XDH: variants seen among roughly 807,000 people sequenced by gnomAD.
XDH encodes the protein xanthine dehydrogenase, also known as xanthine dehydrogenase/oxidase.
Under a neutral mutation model 156.1 loss-of-function variants are expected in XDH, and 138 were observed. The observed-to-expected ratio is 0.88, with a 90% CI of 0.77 to 1.02. The LOEUF is 1.02. Among genes scored for constraint, XDH ranks in the 50% least tolerant of loss-of-function variants. The pLI, the probability that XDH is intolerant of heterozygous loss-of-function variation, is 0.00. For synonymous variants in XDH, 669 were observed against 625.7 expected, an observed-to-expected ratio of 1.07 and a Z score of -1.03; for missense variants, 1,849 against 1,684.9, an observed-to-expected ratio of 1.10 and a Z score of -1.71.
chr2:31,395,172 T>C (rs930060797), intron 6 of XDH, among the ~76,000 whole-genome samples: 2 of 151,834 alleles, frequency 1.3e-5, no homozygotes, highest in African/African-American at 4.8e-5. Flanking sequence ...ATTGGTAAGA[T>C]ATGAAGGAGA....
At chr2:31,341,599 G>C (rs1243395595) in intron 32 of XDH, among the ~76,000 whole-genome samples, 2 of 152,084 alleles carry the variant, frequency 1.3e-5, no homozygotes, top group Non-Finnish European at 2.9e-5. Flanking sequence ...TGAGTTTGTA[G>C]CAGCCGGGTA....
chr2:31,375,489 G>A lies in XDH; in HGVS notation c.1493C>T (p.Pro498Leu), dbSNP rs759792914. Reference sequence around the variant, plus strand: ...GTCCACCATGCCACCAGGGGCATCGGGAGGCAGATGCAGCTCCTCTGCCAG... The same window carrying A: ...GTCCACCATGCCACCAGGGGCATCGAGAGGCAGATGCAGCTCCTCTGCCAG... The part of the protein sequence containing the change: ...AGLAEELHLP[P>L]DAPGGMVDFR... The change falls in exon 15 of 36, where the codon CCC becomes CTC. Residue 498 changes from proline to leucine, a missense_variant. Pro to Leu is a moderately conservative substitution (Grantham distance 98). Coordinates refer to ENST00000379416, the MANE Select transcript of XDH (RefSeq NM_000379.4). 6.6e-5 allele frequency: 107 copies of A among 1,614,028 alleles called. No homozygotes were observed. The highest frequency in any genetic ancestry group is 1.3e-4 in the Admixed American group (8 of 60,012).
intron 17 of XDH, among the ~76,000 whole-genome samples, chr2:31,371,884 G>A (rs1187672376): frequency 3.9e-5 from 6 of 152,128 alleles, no homozygotes; most frequent in African/African-American, 7.2e-5. Context: ...TGTGTCTAAC[G>A]CCCACCAGGA....
intron 6 of XDH, among the ~76,000 whole-genome samples, chr2:31,397,399 G>C (rs577675289): frequency 6.6e-5 from 10 of 152,194 alleles, no homozygotes; most frequent in Non-Finnish European, 1.5e-4. Flanking sequence ...AAGCTCAAAG[G>C]CACTCTCAGG....
intron 25 of XDH, 66 bp from the exon 26 acceptor site, chr2:31,349,897 T>G: frequency 6.2e-7 from 1 of 1,612,182 alleles, no homozygotes; most frequent in South Asian, 1.1e-5. Flanking sequence ...GGGCACAACC[T>G]AAAGTTAAGC....
intron 2 of XDH, 108 bp downstream of exon 2, chr2:31,405,799 T>C (rs562595752): frequency 9.3e-6 from 12 of 1,296,858 alleles, no homozygotes; most frequent in Middle Eastern, 3.7e-4. Flanking sequence ...TGCTCTTTCC[T>C]CCACACCTCA....
intron 30 of XDH, among the ~76,000 whole-genome samples, chr2:31,346,123 G>C (rs996547752): frequency 3.3e-5 from 5 of 152,204 alleles, no homozygotes; most frequent in African/African-American, 1.2e-4. Context: ...CAATACTGGG[G>C]AAGGATGCAG....
chr2:31,337,140 G>A (rs961957643), intron 35 of XDH, among the ~76,000 whole-genome samples: 6 of 152,082 alleles, frequency 3.9e-5, no homozygotes, highest in African/African-American at 1.2e-4. Context: ...TCCCAAGGTT[G>A]CAAAGTCCTC....
chr2:31,413,234 G>C (rs1254449870), intron 1 of XDH, among the ~76,000 whole-genome samples: 1 of 152,220 alleles, frequency 6.6e-6, no homozygotes, highest in Non-Finnish European at 1.5e-5. Context: ...ATGGCTTTGT[G>C]TAAGTAGCTC....
In XDH at chr2:31,375,795, C is replaced by T. The variant is rs532350326; in HGVS notation, c.1428-241G>A. 2.0e-5 allele frequency among the ~76,000 whole-genome samples: 3 copies of T among 152,342 alleles called. 1 individual carries two copies. The South Asian group carries it at 6.2e-4, about 32-fold the overall frequency. On this transcript the variant is annotated intron_variant, in intron 14 of 35. Transcript: ENST00000379416. ...TAATAACAGTTAAAATCTATCAAGT[C>T]CTCACAATGTGCCAGGCAACATCTT...
rs761592093 is a variant in XDH, at chr2:31,383,062, A to C, written c.977T>G (p.Val326Gly). 5.0e-5 allele frequency: 80 copies of C among 1,613,684 alleles called. No homozygotes were observed. The Admixed American group carries it at 5.3e-4, about 11-fold the overall frequency. ...VAKLPAQKTE[V>G]FRGVLEQLRW... ...CAGCTGCTCCAGGACCCCTCTGAAC[A>C]CCTCTGTCTTTTGGGCAGGAAGCTT... Residue 326 changes from valine to glycine, a missense_variant, in exon 11 of 36, where the codon GTG becomes GGG. Transcript: ENST00000379416.
At chr2:31,388,628 A>T (rs901755439) in intron 6 of XDH, among the ~76,000 whole-genome samples, 1 of 152,204 alleles carries the variant, frequency 6.6e-6, no homozygotes, top group Admixed American at 6.5e-5. Flanking sequence ...TTCCTCAGGA[A>T]GCGTCTATGA....
At chr2:31,350,299 G>C in intron 24 of XDH, 76 bp from the exon 25 acceptor site, 1 of 1,514,604 alleles carries the variant, frequency 6.6e-7, no homozygotes, top group Non-Finnish European at 9.2e-7. Context: ...AACTTTGAGG[G>C]CTGTATCCAT....
chr2:31,366,752 G>T, intron 21 of XDH, 118 bp downstream of exon 21: 1 of 1,522,858 alleles, frequency 6.6e-7, no homozygotes, highest in South Asian at 1.1e-5. Flanking sequence ...TATGACACTC[G>T]AGTACCCTCT....
chr2:31,396,449 A>G (rs893844678), intron 6 of XDH, among the ~76,000 whole-genome samples: 1 of 152,238 alleles, frequency 6.6e-6, no homozygotes, highest in Admixed American at 6.5e-5. Context: ...GAAATATACC[A>G]GCTTCATAAT....
chr2:31,363,583 A>G (rs1685833750), intron 24 of XDH, among the ~76,000 whole-genome samples: 1 of 152,236 alleles, frequency 6.6e-6, no homozygotes, highest in Admixed American at 6.5e-5. Flanking sequence ...ATTAAATTAT[A>G]TACTTCAAAT....
intron 26 of XDH, among the ~76,000 whole-genome samples, 198 bp downstream of exon 26, chr2:31,349,488 C>T (rs1051735121): frequency 2.6e-5 from 4 of 152,128 alleles, no homozygotes; most frequent in East Asian, 3.9e-4. Context: ...GCTATGACAC[C>T]GATTGCAGGC....
chr2:31,360,828 T>C (rs550481795), intron 24 of XDH, among the ~76,000 whole-genome samples: 1 of 147,984 alleles, frequency 6.8e-6, no homozygotes, highest in East Asian at 1.9e-4. Context: ...TTGGAATGTA[T>C]CTCCTGCAGA....
chr2:31,342,820 G>A (rs575531044), intron 31 of XDH, among the ~76,000 whole-genome samples: 1 of 152,246 alleles, frequency 6.6e-6, no homozygotes, highest in South Asian at 2.1e-4. Flanking sequence ...CCCTTTGAAA[G>A]TTCAACAAAT....
Sources: allele counts gnomAD v4.1 joint callset (sites outside exome capture counted in the v4.1 genomes callset), GRCh38; gene constraint gnomAD v4.1.1; transcripts MANE v1.5; gene names NCBI Gene and HGNC (gene_info 2026-07-23, HGNC 2026-07-21).